Variants in DPEP1 observed in about 807,000 individuals in gnomAD.
DPEP1 encodes dipeptidase 1.
In DPEP1, 50 loss-of-function variants were observed where a neutral mutation model predicts 42.3. That is an observed-to-expected ratio of 1.18 (90% CI 0.94 to 1.50). The LOEUF is 1.50. Ranked by LOEUF, DPEP1 falls within the 40% of genes most tolerant of loss-of-function variation. The pLI, the probability that DPEP1 is intolerant of heterozygous loss-of-function variation, is 0.00. For synonymous variants in DPEP1, 297 were observed against 234.0 expected (o/e 1.27, Z -2.46); for missense variants, 663 against 553.0 (o/e 1.20, Z -1.99).
rs114049788 is a variant in DPEP1, at chr16:89,625,000, G to A, written c.-106-5305G>A. On this transcript the variant is annotated intron_variant, in intron 1 of 10. Coordinates refer to ENST00000690203, the MANE Select transcript of DPEP1 (RefSeq NM_001389466.1). ...TCCTTTCCATCTGGGACATGGTGGT[G>A]GGGGCTGTACGAGAGCAGCCTTTGA... 7.7e-3 allele frequency among the ~76,000 whole-genome samples: 1,176 copies of A among 152,250 alleles called. 15 individuals are homozygous for A. The highest frequency in any genetic ancestry group is 0.027 in the African/African-American group (1,110 of 41,556).
At chr16:89,637,405 A>C (rs993036823) in intron 7 of DPEP1, 25 bp downstream of exon 7, 1 of 1,611,846 alleles carries the variant, frequency 6.2e-7, no homozygotes, top group East Asian at 2.2e-5. Flanking sequence ...GGCGACCTCC[A>C]CCCCGCCTCC....
chr16:89,629,158 AT>A (rs536909462), intron 1 of DPEP1, among the ~76,000 whole-genome samples: 48 of 151,938 alleles, frequency 3.2e-4, no homozygotes, highest in Non-Finnish European at 4.6e-4. Context: ...TTCATTATGG[AT>A]TTTTTTTACA....
At chr16:89,628,810 G>T (rs765340438) in intron 1 of DPEP1, among the ~76,000 whole-genome samples, 4 of 151,844 alleles carry the variant, frequency 2.6e-5, no homozygotes, top group East Asian at 3.9e-4. Context: ...TGTGGGGGAG[G>T]GGGGGCGGTT....
chr16:89,632,505 G>A (rs1481695952), intron 2 of DPEP1, among the ~76,000 whole-genome samples: 1 of 152,210 alleles, frequency 6.6e-6, no homozygotes, highest in Non-Finnish European at 1.5e-5. Context: ...GGAGGAGAAT[G>A]GATCCCGGGG....
chr16:89,622,256 C>T (rs2059454555), intron 1 of DPEP1, among the ~76,000 whole-genome samples: 1 of 152,266 alleles, frequency 6.6e-6, no homozygotes, highest in South Asian at 2.1e-4. Context: ...CTAAGCCTCA[C>T]TATGGCCAGG....
Position 89,636,310 on chromosome 16 carries a change from T to A in DPEP1, c.284T>A (p.Val95Glu). The change falls in exon 4 of 11, where the codon GTG becomes GAG. Residue 95 changes from valine (V) to glutamate (E), a missense_variant. Coordinates refer to ENST00000690203, the MANE Select transcript of DPEP1 (RefSeq NM_001389466.1). Reference protein sequence around the residue: ...TPCDTQNKDAVRRTLEQMDVV... With the variant: ...TPCDTQNKDAERRTLEQMDVV... ...TGCGACACCCAGAACAAAGACGCCG[T>A]GCGGAGGACGCTGGAGCAGATGGAC... The A allele has an allele frequency of 6.2e-7, 1 of 1,612,238 alleles. No homozygotes were observed. The highest frequency in any genetic ancestry group is 8.5e-7 in the Non-Finnish European group (1 of 1,179,798).
At chr16:89,625,662 T>C (rs1266023091) in intron 1 of DPEP1, among the ~76,000 whole-genome samples, 1 of 151,868 alleles carries the variant, frequency 6.6e-6, no homozygotes, top group East Asian at 1.9e-4. Context: ...GGGCACCCAG[T>C]GTAGGGCAGG....
At chr16:89,627,796 A>G (rs1369692613) in intron 1 of DPEP1, among the ~76,000 whole-genome samples, 1 of 144,746 alleles carries the variant, frequency 6.9e-6, no homozygotes, top group African/African-American at 2.6e-5. Flanking sequence ...AGTAGCTGGG[A>G]TTACGGGCAA....
chr16:89,625,723 A>G (rs2059502986), intron 1 of DPEP1, among the ~76,000 whole-genome samples: 1 of 152,200 alleles, frequency 6.6e-6, no homozygotes, highest in South Asian at 2.1e-4. Context: ...CCCCACGGAA[A>G]AGACAGGTGT....
In DPEP1 at chr16:89,637,562, G is replaced by T. The variant is rs937644073; in HGVS notation, c.853+10G>T. 2.5e-6 allele frequency: 4 copies of T among 1,612,746 alleles called. No homozygotes were observed. The African/African-American group carries it at 4.0e-5, about 16-fold the overall frequency. On this transcript the variant is annotated intron_variant, in intron 8 of 10. Transcript: ENST00000690203. ...CTGTCCCAAGTGGCCGGTAGGTGGG[G>T]TGTGAGCGGCCAAGGGGGCCGAAGG...
chr16:89,631,146 C>G (rs550181090), intron 2 of DPEP1, among the ~76,000 whole-genome samples: 1 of 152,084 alleles, frequency 6.6e-6, no homozygotes, highest in Non-Finnish European at 1.5e-5. Flanking sequence ...CTTTTTGGCT[C>G]TCTTCCCACT....
At chr16:89,637,763 A>G in intron 9 of DPEP1, 56 bp downstream of exon 9, 1 of 1,612,772 alleles carries the variant, frequency 6.2e-7, no homozygotes, top group Non-Finnish European at 8.5e-7. Flanking sequence ...TGGCCTCGTC[A>G]GAGGGATGAG....
rs777649284 is a variant in DPEP1 at position 89,637,527 on chromosome 16, C to T, written c.828C>T (p.Asn276=). The change falls in exon 8 of 11, where the codon AAC becomes AAT. Residue 276 remains asparagine (N), a synonymous_variant. Transcript: ENST00000690203. ...NFYNNYISCT[N]KANLSQVADH... is the part of the protein sequence containing the mutation. ...ACAACAATTACATTTCCTGCACCAA[C>T]AAGGCCAACCTGTCCCAAGTGGCCG... 10 of 1,612,676 alleles carry T rather than the reference C, an allele frequency of 6.2e-6. No individual in the cohort carries two copies. The African/African-American group carries it at 6.7e-5, about 11-fold the overall frequency.
In DPEP1 at chr16:89,637,247, T is replaced by A. The variant is rs1175585753; in HGVS notation, c.635T>A (p.Leu212Ter). 6.2e-7 allele frequency: 1 copy of A among 1,612,718 alleles called. No homozygotes were observed. The highest frequency in any genetic ancestry group is 1.1e-5 in the South Asian group (1 of 91,086). ...AACCGTCTGGGGGTCCTCATCGACT[T>A]GGCTCACGTGTCTGTGGCCACCATG... ...ELNRLGVLID[L>*]AHVSVATMKA... Residue 212 changes from leucine (L) to a stop codon, truncating the protein, a stop_gained, in exon 7 of 11, where the codon TTG becomes TAG. Transcript: ENST00000690203. LOFTEE classifies it high-confidence loss of function.
At chr16:89,614,089 A>T (rs973980408) in intron 1 of DPEP1, among the ~76,000 whole-genome samples, 1 of 82,644 alleles carries the variant, frequency 1.2e-5, no homozygotes, top group Non-Finnish European at 2.6e-5. Context: ...ATTCTAGGAA[A>T]CTGGGGCCAG....
chr16:89,639,028 A>T (rs1211112234), downstream of DPEP1, among the ~76,000 whole-genome samples: 1 of 62,348 alleles, frequency 1.6e-5, no homozygotes, highest in Non-Finnish European at 2.9e-5. Context: ...CTGCACGCAC[A>T]CACCCCCCAC....
At chr16:89,632,756 C>T (rs905592053) in intron 2 of DPEP1, among the ~76,000 whole-genome samples, 7 of 152,150 alleles carry the variant, frequency 4.6e-5, no homozygotes, top group Non-Finnish European at 2.9e-5. Context: ...TCGTTTTCTC[C>T]AGCAAGAGTG....
At chr16:89,620,436 G>T (rs1054465298) in intron 1 of DPEP1, among the ~76,000 whole-genome samples, 5 of 152,110 alleles carry the variant, frequency 3.3e-5, no homozygotes, top group African/African-American at 7.2e-5. Context: ...GGGCCTCAAA[G>T]GGTGATCACC....
intron 1 of DPEP1, among the ~76,000 whole-genome samples, chr16:89,627,437 T>A (rs2059529076): frequency 6.7e-6 from 1 of 150,266 alleles, no homozygotes; most frequent in Non-Finnish European, 1.5e-5. Flanking sequence ...ACAAAAAAAA[T>A]TAGCTGGGTG....
Sources: gnomAD v4.1 joint callset for allele counts (sites outside exome capture counted in the v4.1 genomes callset) on GRCh38, gnomAD v4.1.1 for gene constraint, MANE v1.5 for transcripts, NCBI Gene and HGNC (gene_info 2026-07-23, HGNC 2026-07-21) for gene names.